WBP1L: variants seen among roughly 807,000 people sequenced by gnomAD.
The protein encoded by WBP1L is WW domain binding protein 1-like.
A neutral mutation model predicts 33.7 loss-of-function variants in WBP1L; 17 were observed. The ratio of observed to expected loss-of-function variants is 0.50; its 90% confidence interval spans 0.34 to 0.76. The LOEUF (loss-of-function observed/expected upper bound fraction) is 0.76, where lower values mean the gene tolerates loss of function less well. Among genes scored for constraint, WBP1L ranks in the 30% least tolerant of loss-of-function variants. WBP1L has a pLI of 0.01. For synonymous variants in WBP1L, 173 were observed against 190.8 expected (o/e 0.91, Z 0.77); for missense variants, 389 against 469.4 (o/e 0.83, Z 1.58).
At chr10:102,792,714 G>A (rs1304371800) in intron 1 of WBP1L, among the ~76,000 whole-genome samples, 2 of 150,924 alleles carry the variant, frequency 1.3e-5, no homozygotes, top group African/African-American at 4.9e-5. Flanking sequence ...TCTGCCTCAG[G>A]CTCCCAAGTA....
chr10:102,744,181 G>C, intron 1 of WBP1L, 38 bp downstream of exon 1: 1 of 1,525,474 alleles, frequency 6.6e-7, no homozygotes. Context: ...GTTGGGTCCT[G>C]GGGGTCGTCG....
intron 3 of WBP1L, 133 bp from the exon 4 acceptor site, chr10:102,812,462 C>G: frequency 1.8e-6 from 2 of 1,107,608 alleles, no homozygotes; most frequent in South Asian, 3.5e-5. Context: ...TGCTCACAAC[C>G]AAGAGCTGTA....
intron 2 of WBP1L, among the ~76,000 whole-genome samples, chr10:102,803,113 C>T (rs778253462): frequency 6.6e-6 from 1 of 152,192 alleles, no homozygotes. Flanking sequence ...CTTTTCTCTT[C>T]CACGTCTGCA....
intron 1 of WBP1L, among the ~76,000 whole-genome samples, chr10:102,781,064 G>A (rs1253154314): frequency 1.3e-5 from 2 of 152,214 alleles, no homozygotes; most frequent in Non-Finnish European, 2.9e-5. Context: ...GGCACAGGGG[G>A]CAACTCCTGG....
In WBP1L at chr10:102,744,146, AAGGGGG is replaced by A. The variant is rs1842832603; in HGVS notation, c.90+10_90+15del. The A allele has an allele frequency of 1.3e-6, 2 of 1,548,044 alleles. No homozygotes were observed. Among genetic ancestry groups the A allele is most frequent in the Middle Eastern group, 3.5e-4 (2 of 5,770 alleles). On this transcript the variant is annotated splice_donor_5th_base_variant and intron_variant, in intron 1 of 3. Transcript: ENST00000448841. ...CAGCCAGGGCTGAACCCCCGCAGGT[AAGGGGG>A]AGGGGGCGTCTGGGCCATGTTGGGT...
chr10:102,774,154 C>T (rs145764628), intron 1 of WBP1L, among the ~76,000 whole-genome samples: 4 of 151,630 alleles, frequency 2.6e-5, no homozygotes, highest in Non-Finnish European at 5.9e-5. Flanking sequence ...GTTAGTGCTG[C>T]GTATGTTTTG....
At chr10:102,746,351 A>G (rs1842864320) in intron 1 of WBP1L, among the ~76,000 whole-genome samples, 1 of 152,168 alleles carries the variant, frequency 6.6e-6, no homozygotes, top group Non-Finnish European at 1.5e-5. Flanking sequence ...TTACACGGTT[A>G]CAATTCCTGC....
At chr10:102,746,249 A>G (rs1361333576) in intron 1 of WBP1L, 3 of 779,782 alleles carry the variant, frequency 3.8e-6, no homozygotes, top group Non-Finnish European at 4.7e-6. Flanking sequence ...CTGCTTTCTT[A>G]TATCTGTGGC....
intron 1 of WBP1L, among the ~76,000 whole-genome samples, chr10:102,768,221 T>C (rs1019499775): frequency 6.6e-6 from 1 of 150,994 alleles, no homozygotes; most frequent in African/African-American, 2.4e-5. Context: ...TTTACAGGCA[T>C]GTGCCACCAT....
At chr10:102,779,248 A>G (rs911517556) in intron 1 of WBP1L, among the ~76,000 whole-genome samples, 49 of 151,242 alleles carry the variant, frequency 3.2e-4, no homozygotes, top group African/African-American at 1.1e-3. Context: ...GTGAGCCGAG[A>G]GGCCCCACCA....
chr10:102,810,813 C>T (rs555190516), intron 3 of WBP1L, among the ~76,000 whole-genome samples: 54 of 151,862 alleles, frequency 3.6e-4, no homozygotes, highest in Middle Eastern at 3.4e-3. Flanking sequence ...GTGATCTGCT[C>T]GTCTCGGCCT....
chr10:102,749,970 C>T (rs894325877), intron 1 of WBP1L, among the ~76,000 whole-genome samples: 7 of 151,246 alleles, frequency 4.6e-5, no homozygotes, highest in South Asian at 2.1e-4. Flanking sequence ...TTTGTAGATA[C>T]GGGGTTTCAC....
intron 2 of WBP1L, among the ~76,000 whole-genome samples, chr10:102,808,097 T>TG (rs1456727858): frequency 6.6e-6 from 1 of 151,972 alleles, no homozygotes; most frequent in Non-Finnish European, 1.5e-5. Context: ...GAGGACAGCT[T>TG]GCGCCCAGAA....
At chr10:102,754,335 T>C (rs1002320259) in intron 1 of WBP1L, among the ~76,000 whole-genome samples, 6 of 152,254 alleles carry the variant, frequency 3.9e-5, no homozygotes, top group Non-Finnish European at 1.5e-5. Context: ...GATTTGGCAC[T>C]ATGGCTGACT....
chr10:102,772,200 C>T (rs1843196428), intron 1 of WBP1L, among the ~76,000 whole-genome samples: 1 of 151,078 alleles, frequency 6.6e-6, no homozygotes, highest in South Asian at 2.1e-4. Context: ...CTTCGTGATC[C>T]ACCCGCCTCT....
chr10:102,756,919 G>A (rs1320709999), intron 1 of WBP1L, among the ~76,000 whole-genome samples: 3 of 150,362 alleles, frequency 2.0e-5, no homozygotes, highest in Non-Finnish European at 3.0e-5. Flanking sequence ...ACAGAGTCTC[G>A]ATCTGTTGCC....
intron 1 of WBP1L, among the ~76,000 whole-genome samples, chr10:102,779,393 T>A (rs9420876): frequency 2.0e-5 from 3 of 151,734 alleles, no homozygotes; most frequent in Non-Finnish European, 4.4e-5. Flanking sequence ...TGCCTTCCGG[T>A]TTCAAGCCAT....
chr10:102,769,938 G>A (rs976419262), intron 1 of WBP1L, among the ~76,000 whole-genome samples: 3 of 152,198 alleles, frequency 2.0e-5, no homozygotes, highest in African/African-American at 7.2e-5. Context: ...CTTGTAAAAC[G>A]CCTTGTCCTG....
chr10:102,779,321 GA>G (rs1229225839), intron 1 of WBP1L, among the ~76,000 whole-genome samples: 2 of 150,934 alleles, frequency 1.3e-5, no homozygotes, highest in African/African-American at 4.9e-5. Context: ...CATTCTTGTT[GA>G]GTCTCGTTCT....
Sources: allele counts gnomAD v4.1 joint callset (sites outside exome capture counted in the v4.1 genomes callset), GRCh38; gene constraint gnomAD v4.1.1; transcripts MANE v1.5; gene names NCBI Gene and HGNC (gene_info 2026-07-23, HGNC 2026-07-21).